The following MAMDC2 variants were observed in gnomAD, a reference collection of about 807,000 sequenced individuals.
MAMDC2 encodes the protein MAM domain-containing protein 2.
MAMDC2 carries 57 observed loss-of-function variants against 89.8 expected under a neutral mutation model. The observed-to-expected ratio is 0.63, with a 90% CI of 0.51 to 0.79. The LOEUF is 0.79. Ranked by LOEUF, MAMDC2 falls within the 30% of genes least tolerant of loss-of-function variation. MAMDC2 has a pLI of 0.00. For missense variants in MAMDC2, 800 were observed against 820.6 expected, an observed-to-expected ratio of 0.97 and a Z score of 0.31; for synonymous variants, 313 against 293.4, an observed-to-expected ratio of 1.07 and a Z score of -0.68.
upstream of MAMDC2, chr9:70,043,775 G>T: frequency 5.4e-6 from 1 of 186,614 alleles, no homozygotes; most frequent in African/African-American, 2.3e-5. Context: ...CTCCTGGAAG[G>T]CCTGCCCCTT....
chr9:70,197,759 G>C (rs934451201), intron 11 of MAMDC2, among the ~76,000 whole-genome samples: 2 of 152,092 alleles, frequency 1.3e-5, no homozygotes, highest in African/African-American at 4.8e-5. Flanking sequence ...CAACGATTGA[G>C]GATCCCCAAA....
At chr9:70,127,912 A>C (rs181740127) in intron 6 of MAMDC2, among the ~76,000 whole-genome samples, 1 of 151,770 alleles carries the variant, frequency 6.6e-6, no homozygotes, top group African/African-American at 2.4e-5. Flanking sequence ...CTCTTTACCA[A>C]CTCCTTCCAT....
chr9:70,178,251 G>A (rs116843390), intron 11 of MAMDC2, among the ~76,000 whole-genome samples: 1 of 152,192 alleles, frequency 6.6e-6, no homozygotes, highest in African/African-American at 2.4e-5. Flanking sequence ...GGGCTGCAAA[G>A]TCTAAGATCA....
intron 11 of MAMDC2, among the ~76,000 whole-genome samples, chr9:70,207,112 C>A (rs2033242985): frequency 6.6e-6 from 1 of 152,164 alleles, no homozygotes; most frequent in African/African-American, 2.4e-5. Context: ...GTCTTTATAG[C>A]AGCATGCTTT....
intron 11 of MAMDC2, among the ~76,000 whole-genome samples, chr9:70,204,392 T>C (rs1472746536): frequency 6.6e-6 from 1 of 151,822 alleles, no homozygotes; most frequent in African/African-American, 2.4e-5. Context: ...AGGGACCCAC[T>C]TGAGGAGGCA....
intron 2 of MAMDC2, among the ~76,000 whole-genome samples, chr9:70,105,230 A>G (rs1035688820): frequency 1.8e-4 from 27 of 152,084 alleles, no homozygotes; most frequent in African/African-American, 6.3e-4. Flanking sequence ...CACAAAATAT[A>G]CCCCTACACT....
At position 70,109,802 on chromosome 9, in the gene MAMDC2, T is replaced by C. The variant is rs989736204; in HGVS notation, c.503T>C (p.Ile168Thr). The C allele has an allele frequency of 2.5e-6, 4 of 1,611,820 alleles. No homozygotes were observed. Among genetic ancestry groups the C allele is most frequent in the East Asian group, 2.2e-5 (1 of 44,874 alleles). Residue 168 changes from isoleucine (I) to threonine (T), a missense_variant and splice_region_variant, in exon 4 of 14, where the codon ATT (isoleucine) becomes ACT (threonine). Transcript: ENST00000377182. ...ATCAAGATGACAACCGGCTACTGTA[T>C]TGGTAAGTGGGCTTCATTTTCATTA... Reference protein sequence around the residue: ...FEIKMTTGYCIECDFEENHLC... With the variant: ...FEIKMTTGYCTECDFEENHLC...
At chr9:70,216,174 C>A (rs1028765184) in intron 11 of MAMDC2, 2 of 152,164 alleles carry the variant, frequency 1.3e-5, no homozygotes, top group African/African-American at 4.8e-5. Context: ...GTAAAGATTA[C>A]TTTTTACATC....
In MAMDC2 at chr9:70,044,658, TC is replaced by T. The variant is rs1021337041; in HGVS notation, c.111del (p.Val38CysfsTer9). On this transcript the variant is annotated frameshift_variant, in exon 2 of 14. Coordinates refer to ENST00000377182, the MANE Select transcript of MAMDC2 (RefSeq NM_153267.5). LOFTEE classifies it high-confidence loss of function. ...AFEESTCGFD[S>X]VLASLPWILN... The stretch of plus-strand genomic sequence containing the variant: ...TGAAGAGAGCACTTGCGGCTTTGAC[TC>T]CGTGTTGGCCTCTCTGCCGTGGATT... 6 of 1,551,638 alleles carry T rather than the reference TC, an allele frequency of 3.9e-6. No individual in the cohort carries two copies. Among genetic ancestry groups the T allele is most frequent in the Non-Finnish European group, 5.2e-6 (6 of 1,146,996 alleles).
In MAMDC2 at chr9:70,124,099, C is replaced by T. The variant is rs545853985; in HGVS notation, c.644-2060C>T. On this transcript the variant is annotated intron_variant, in intron 5 of 13. Coordinates refer to ENST00000377182, the MANE Select transcript of MAMDC2 (RefSeq NM_153267.5). ...CTGCAGCATGGGGCTGGGTGCCGGG[C>T]ATCCGCTGCAGTAGACCCTGCTCTC... 3.3e-5 allele frequency among the ~76,000 whole-genome samples: 5 copies of T among 152,296 alleles called. No individual in the cohort carries two copies. In the South Asian group the frequency reaches 8.3e-4, roughly 25 times the overall value.
intron 11 of MAMDC2, among the ~76,000 whole-genome samples, chr9:70,209,026 G>C (rs539847334): frequency 6.6e-6 from 1 of 152,086 alleles, no homozygotes; most frequent in South Asian, 2.1e-4. Context: ...TGCTGGATTC[G>C]GTTTGCCAGT....
chr9:70,206,488 A>G (rs962968544), intron 11 of MAMDC2, among the ~76,000 whole-genome samples: 18 of 152,162 alleles, frequency 1.2e-4, no homozygotes, highest in African/African-American at 3.6e-4. Context: ...ATCCTGAAGG[A>G]TATTTACAAA....
chr9:70,209,898 T>C (rs1036320884), intron 11 of MAMDC2, among the ~76,000 whole-genome samples: 11 of 152,216 alleles, frequency 7.2e-5, no homozygotes, highest in African/African-American at 2.4e-5. Context: ...ATGTACCCAA[T>C]AGTCATTCAG....
At chr9:70,170,849 A>T (rs1430506841) in intron 11 of MAMDC2, 5 of 433,508 alleles carry the variant, frequency 1.2e-5, no homozygotes, top group Non-Finnish European at 2.0e-5. Context: ...GCAAGGATCT[A>T]ACAGGGCTTA....
At chr9:70,063,955 G>A (rs1827206392) in intron 2 of MAMDC2, among the ~76,000 whole-genome samples, 1 of 151,852 alleles carries the variant, frequency 6.6e-6, no homozygotes, top group South Asian at 2.1e-4. Flanking sequence ...GAAGCCACCT[G>A]AAAAAATAAA....
intron 9 of MAMDC2, among the ~76,000 whole-genome samples, chr9:70,166,614 A>G (rs181116070): frequency 6.6e-6 from 1 of 152,228 alleles, no homozygotes; most frequent in East Asian, 1.9e-4. Flanking sequence ...GCCGTAGTTC[A>G]TTTATTTCTT....
intron 2 of MAMDC2, among the ~76,000 whole-genome samples, chr9:70,098,558 C>T (rs1828084725): frequency 6.6e-6 from 1 of 152,056 alleles, no homozygotes; most frequent in Non-Finnish European, 1.5e-5. Flanking sequence ...ATTGTGTTAT[C>T]AGTAGAAATA....
chr9:70,057,013 G>A (rs1467792345), intron 2 of MAMDC2, among the ~76,000 whole-genome samples: 1 of 152,096 alleles, frequency 6.6e-6, no homozygotes, highest in East Asian at 1.9e-4. Flanking sequence ...CTACATTATG[G>A]TGAATTGTAT....
At chr9:70,212,397 G>C (rs931194868) in intron 11 of MAMDC2, among the ~76,000 whole-genome samples, 1 of 152,214 alleles carries the variant, frequency 6.6e-6, no homozygotes, top group Non-Finnish European at 1.5e-5. Flanking sequence ...AGCAGTGAGC[G>C]AGGCTCTGTG....
Sources: allele counts gnomAD v4.1 joint callset (sites outside exome capture counted in the v4.1 genomes callset), GRCh38; gene constraint gnomAD v4.1.1; transcripts MANE v1.5; gene names NCBI Gene and HGNC (gene_info 2026-07-23, HGNC 2026-07-21).